QTGAL: variants seen among roughly 807,000 people sequenced by gnomAD.
QTGAL encodes queuosine-tRNA galactosyltransferase.
the QTGAL span, among the ~76,000 whole-genome samples, chr17:82,974,987 G>A: frequency 3.7e-5 from 4 of 109,334 alleles, 1 homozygote; most frequent in Non-Finnish European, 5.4e-5. Flanking sequence ...TCAGGGCCCC[G>A]GGACAGAGCC....
At chr17:83,028,655 G>A in the QTGAL span, among the ~76,000 whole-genome samples, 16 of 152,172 alleles carry the variant, frequency 1.1e-4, no homozygotes, top group Admixed American at 2.0e-4. Context: ...CATCAACGCC[G>A]CAGAGCCCAC....
chr17:82,988,828 C>T, the QTGAL span, among the ~76,000 whole-genome samples: 6 of 152,168 alleles, frequency 3.9e-5, no homozygotes, highest in South Asian at 6.2e-4. Context: ...GTCAGAATGG[C>T]GATTTTTTAA....
At chr17:83,045,488 A>G in the QTGAL span, among the ~76,000 whole-genome samples, 1 of 152,262 alleles carries the variant, frequency 6.6e-6, no homozygotes, top group Non-Finnish European at 1.5e-5. Flanking sequence ...AAGAAAACAT[A>G]CAGATAAAAT....
chr17:83,033,564 C>A, the QTGAL span, among the ~76,000 whole-genome samples: 2 of 151,060 alleles, frequency 1.3e-5, no homozygotes, highest in African/African-American at 2.4e-5. Context: ...CTCCGCCTCC[C>A]GGGTTCACGC....
chr17:83,043,206 C>G, the QTGAL span, among the ~76,000 whole-genome samples: 7 of 152,186 alleles, frequency 4.6e-5, no homozygotes, highest in Non-Finnish European at 8.8e-5. Context: ...CTCCACTTGA[C>G]AGCAGCAGAA....
At chr17:82,944,990 A>C in the QTGAL span, 2 of 152,232 alleles carry the variant, frequency 1.3e-5, no homozygotes, top group Non-Finnish European at 2.9e-5. Flanking sequence ...AAACTCCTAA[A>C]GTGGAAAATT....
At chr17:82,977,348 C>A in the QTGAL span, among the ~76,000 whole-genome samples, 1 of 152,128 alleles carries the variant, frequency 6.6e-6, no homozygotes, top group Admixed American at 6.5e-5. Context: ...CAGTAACACC[C>A]CCCACCCACC....
At chr17:82,987,465 TA>T in the QTGAL span, among the ~76,000 whole-genome samples, 1 of 152,232 alleles carries the variant, frequency 6.6e-6, no homozygotes, top group Non-Finnish European at 1.5e-5. Flanking sequence ...CACATGGGTA[TA>T]ACGGTTAATG....
At chr17:82,972,219 G>A in the QTGAL span, among the ~76,000 whole-genome samples, 4 of 44,000 alleles carry the variant, frequency 9.1e-5, no homozygotes, top group African/African-American at 1.8e-4. Context: ...AGGACCTGGT[G>A]CCGACCACAC....
At chr17:83,026,728 G>T in the QTGAL span, among the ~76,000 whole-genome samples, 3 of 123,164 alleles carry the variant, frequency 2.4e-5, no homozygotes, top group Non-Finnish European at 3.5e-5. Context: ...AGGAGGGCAG[G>T]AAGCCTGCAG....
chr17:83,031,579 C>G, the QTGAL span, among the ~76,000 whole-genome samples: 4 of 152,224 alleles, frequency 2.6e-5, no homozygotes, highest in South Asian at 8.3e-4. Flanking sequence ...ATGGGACAGT[C>G]ACGGGGGAGG....
chr17:82,952,321 G>A, the QTGAL span, among the ~76,000 whole-genome samples: 23 of 152,158 alleles, frequency 1.5e-4, no homozygotes, highest in Non-Finnish European at 3.1e-4. Context: ...CCCCCCAACA[G>A]TACCGCTTGG....
chr17:83,028,119 C>T, the QTGAL span, among the ~76,000 whole-genome samples: 1 of 151,716 alleles, frequency 6.6e-6, no homozygotes, highest in Non-Finnish European at 1.5e-5. Context: ...TCCCTCAGAA[C>T]GACCTGCACG....
the QTGAL span, among the ~76,000 whole-genome samples, chr17:83,010,949 T>G: frequency 6.6e-6 from 1 of 152,232 alleles, no homozygotes; most frequent in African/African-American, 2.4e-5. Context: ...GGTGAGGCTG[T>G]ACCCTAAGGT....
chr17:82,959,804 TG>T, the QTGAL span, among the ~76,000 whole-genome samples: 5 of 152,056 alleles, frequency 3.3e-5, no homozygotes, highest in African/African-American at 1.2e-4. Context: ...GTCTCTGGTC[TG>T]AAAATGTTGG....
At chr17:82,984,469 G>A in the QTGAL span, among the ~76,000 whole-genome samples, 1 of 64,662 alleles carries the variant, frequency 1.5e-5, no homozygotes, top group African/African-American at 6.6e-5. Context: ...GAGAGACCAC[G>A]TGATTATGCA....
chr17:82,942,632 T>C, the QTGAL span: 1 of 807,548 alleles, frequency 1.2e-6, no homozygotes, highest in South Asian at 1.6e-5. Context: ...ACCTGCGCTC[T>C]GGTGACTTGG....
the QTGAL span, among the ~76,000 whole-genome samples, chr17:83,030,219 A>T: frequency 6.6e-6 from 1 of 152,224 alleles, no homozygotes; most frequent in South Asian, 2.1e-4. Flanking sequence ...TTTTATATTC[A>T]AACCTTACGG....
the QTGAL span, chr17:83,048,959 C>G: frequency 1.6e-6 from 1 of 616,624 alleles, no homozygotes; most frequent in Non-Finnish European, 2.9e-6. Context: ...TTAGCTTTCC[C>G]TGAACTGCCT....
Sources: gnomAD v4.1 joint callset for allele counts (sites outside exome capture counted in the v4.1 genomes callset) on GRCh38, gnomAD v4.1.1 for gene constraint, MANE v1.5 for transcripts, NCBI Gene and HGNC (gene_info 2026-07-23, HGNC 2026-07-21) for gene names.